Variants in DGKB observed in about 807,000 individuals in gnomAD.
The protein encoded by DGKB is diacylglycerol kinase beta, also known as 90 kDa diacylglycerol kinase.
In DGKB, 67 loss-of-function variants were observed where a neutral mutation model predicts 114.3. That is an observed-to-expected ratio of 0.59 (90% confidence interval 0.48 to 0.72). The LOEUF (loss-of-function observed/expected upper bound fraction) is 0.72. Among genes scored for constraint, DGKB ranks in the 30% least tolerant of loss-of-function variants. The pLI is 0.00. For missense variants in DGKB, 907 were observed against 975.2 expected, an observed-to-expected ratio of 0.93 and a Z score of 0.93; for synonymous variants, 398 against 323.1, an observed-to-expected ratio of 1.23 and a Z score of -2.49.
chr7:14,198,535 T>G (rs992038927), intron 23 of DGKB, among the ~76,000 whole-genome samples: 19 of 152,040 alleles, frequency 1.2e-4, no homozygotes, highest in African/African-American at 4.1e-4. Context: ...GGCTGCATTA[T>G]AGAAGAGAAA....
chr7:14,729,396 A>G (rs1194178587), intron 5 of DGKB, among the ~76,000 whole-genome samples: 1 of 152,192 alleles, frequency 6.6e-6, no homozygotes, highest in Admixed American at 6.5e-5. Flanking sequence ...TGCTGGGATT[A>G]CAGGCACGAG....
chr7:14,580,742 T>C, intron 19 of DGKB, 120 bp downstream of exon 19: 2 of 613,662 alleles, frequency 3.3e-6, no homozygotes, highest in Non-Finnish European at 5.6e-6. Context: ...ATATTATATA[T>C]ACCACATCAG....
chr7:14,592,782 T>C (rs570003999), intron 17 of DGKB, among the ~76,000 whole-genome samples: 1 of 151,970 alleles, frequency 6.6e-6, no homozygotes, highest in African/African-American at 2.4e-5. Context: ...TGGGTTTCGA[T>C]GTTTTATCAA....
At chr7:14,754,519 C>T (rs1723221) in intron 3 of DGKB, among the ~76,000 whole-genome samples, 53,959 of 151,712 alleles carry the variant, frequency 0.36, 13,279 homozygotes, top group African/African-American at 0.69. Flanking sequence ...CCACTTTCTT[C>T]CCATATCTCA....
At chr7:14,220,697 T>C (rs1789791041) in intron 23 of DGKB, among the ~76,000 whole-genome samples, 1 of 151,578 alleles carries the variant, frequency 6.6e-6, no homozygotes, top group African/African-American at 2.4e-5. Context: ...ATTGAATCTG[T>C]AGATCAAGTT....
intron 23 of DGKB, among the ~76,000 whole-genome samples, chr7:14,202,628 TA>T (rs775348525): frequency 5.9e-5 from 9 of 151,936 alleles, no homozygotes; most frequent in Admixed American, 1.3e-4. Context: ...TGTAACAATA[TA>T]AAAAAATATT....
At chr7:14,942,163 CCT>C (rs1785603337) in intron 1 of DGKB, among the ~76,000 whole-genome samples, 1 of 151,698 alleles carries the variant, frequency 6.6e-6, no homozygotes, top group African/African-American at 2.4e-5. Flanking sequence ...ATTAAGGTGG[CCT>C]CTCTTCCTCA....
At chr7:14,298,249 A>T (rs1254951244) in intron 23 of DGKB, among the ~76,000 whole-genome samples, 3 of 152,130 alleles carry the variant, frequency 2.0e-5, no homozygotes, top group African/African-American at 7.2e-5. Flanking sequence ...TATAGCCAAG[A>T]CAGTCCTTAG....
chr7:14,383,725 AT>A (rs762007757), intron 21 of DGKB, among the ~76,000 whole-genome samples: 32 of 152,208 alleles, frequency 2.1e-4, no homozygotes, highest in Non-Finnish European at 4.0e-4. Context: ...CTCACACAAT[AT>A]TTTTGCATAC....
At chr7:14,288,674 G>C (rs1030348753) in intron 23 of DGKB, among the ~76,000 whole-genome samples, 1 of 151,968 alleles carries the variant, frequency 6.6e-6, no homozygotes, top group Non-Finnish European at 1.5e-5. Flanking sequence ...TTTTGTCCTT[G>C]TAGAGTAGCT....
At chr7:14,442,389 G>A (rs186218876) in intron 21 of DGKB, among the ~76,000 whole-genome samples, 1,726 of 151,710 alleles carry the variant, frequency 0.011, 20 homozygotes, top group Non-Finnish European at 0.017. Flanking sequence ...AATTCTTCAT[G>A]ATCACTTTTG....
chr7:14,166,586 A>G (rs1296674603), intron 25 of DGKB, among the ~76,000 whole-genome samples: 4 of 152,182 alleles, frequency 2.6e-5, no homozygotes, highest in Non-Finnish European at 4.4e-5. Context: ...AAGAAGGAAT[A>G]AGCACTCTTC....
At chr7:14,189,469 G>C (rs191665726) in intron 23 of DGKB, among the ~76,000 whole-genome samples, 1 of 152,130 alleles carries the variant, frequency 6.6e-6, no homozygotes, top group African/African-American at 2.4e-5. Context: ...CCAAACCACA[G>C]AGGTAAATAG....
Position 14,793,084 on chromosome 7 carries a change from C to G in DGKB, c.71-35353G>C, listed in dbSNP as rs73680303. The stretch of plus-strand genomic sequence containing the variant: ...AAAGACTGCCCCTACCAAACATATG[C>G]GTATGTAATACACATTTTAGAGGAA... On this transcript the variant is annotated intron_variant, in intron 2 of 25. Coordinates refer to ENST00000402815, the MANE Select transcript of DGKB (RefSeq NM_001350709.2). Among the ~76,000 whole-genome samples the G allele has an allele frequency of 7.1e-3, 1,077 of 152,060 alleles. 14 individuals are homozygous for G. The highest frequency in any genetic ancestry group is 0.025 in the African/African-American group (1,049 of 41,446).
chr7:14,793,576 C>A (rs1045088536), intron 2 of DGKB, among the ~76,000 whole-genome samples: 3 of 152,050 alleles, frequency 2.0e-5, no homozygotes, highest in Non-Finnish European at 2.9e-5. Context: ...AATTAATACT[C>A]AACAGTTTTT....
chr7:14,751,554 C>G (rs770434432), intron 4 of DGKB, among the ~76,000 whole-genome samples: 5 of 152,186 alleles, frequency 3.3e-5, no homozygotes, highest in Non-Finnish European at 7.4e-5. Context: ...AGCAGAAATA[C>G]TGGTTAACAT....
intron 23 of DGKB, among the ~76,000 whole-genome samples, chr7:14,276,073 A>T (rs1224991062): frequency 6.6e-6 from 1 of 152,192 alleles, no homozygotes; most frequent in Non-Finnish European, 1.5e-5. Flanking sequence ...TTCAAAAATT[A>T]GATGGTACAA....
intron 21 of DGKB, among the ~76,000 whole-genome samples, chr7:14,367,288 C>T (rs984660800): frequency 5.3e-5 from 8 of 152,034 alleles, no homozygotes; most frequent in South Asian, 4.2e-4. Flanking sequence ...TTGTAGCTCC[C>T]GTAATTCCCA....
chr7:14,303,703 G>T (rs908888675), intron 23 of DGKB, among the ~76,000 whole-genome samples: 1 of 152,064 alleles, frequency 6.6e-6, no homozygotes, highest in African/African-American at 2.4e-5. Context: ...AACAGGGATA[G>T]AAATTCCAAA....
Sources: gnomAD v4.1 joint callset for allele counts (sites outside exome capture counted in the v4.1 genomes callset) on GRCh38, gnomAD v4.1.1 for gene constraint, MANE v1.5 for transcripts, NCBI Gene and HGNC (gene_info 2026-07-23, HGNC 2026-07-21) for gene names.